NPC1L1: variants seen among roughly 807,000 people sequenced by gnomAD.
NPC1L1 encodes NPC1 like intracellular cholesterol transporter 1, also known as NPC1-like intracellular cholesterol transporter 1.
Under a neutral mutation model 117.0 loss-of-function variants are expected in NPC1L1, and 98 were observed. That is an observed-to-expected ratio of 0.84 (90% confidence interval 0.71 to 0.99). The LOEUF is 0.99. Among genes scored for constraint, NPC1L1 ranks in the 50% least tolerant of loss-of-function variants. The pLI is 0.00. For missense variants in NPC1L1, 1,540 were observed against 1,710.0 expected (o/e 0.90, Z 1.75); for synonymous variants, 729 against 727.6 (o/e 1.00, Z -0.03).
At chr7:44,532,902 G>A (rs183535633) in intron 8 of NPC1L1, among the ~76,000 whole-genome samples, 45 of 152,246 alleles carry the variant, frequency 3.0e-4, no homozygotes, top group Admixed American at 5.9e-4. Flanking sequence ...TCAGGAGTTC[G>A]AGACCAACCT....
rs749387457 is a variant in NPC1L1 at position 44,521,102 on chromosome 7, T to C, written c.2970A>G (p.Leu990=). The change falls in exon 13 of 19, where the codon CTA becomes CTG. Residue 990 remains leucine (L), a synonymous_variant. Coordinates refer to ENST00000381160, the MANE Select transcript of NPC1L1 (RefSeq NM_001101648.2). ...CCATCGTGATGCTCATGCAGTTCTT[T>C]AGGCAGTTCAGAGAGTCTGCAGAGA... ...CPSTVNSLNC[L]KNCMSITMGS... is the part of the protein sequence containing the mutation. 6 of 1,614,032 alleles carry C rather than the reference T, an allele frequency of 3.7e-6. No homozygotes were observed. The highest frequency in any genetic ancestry group is 1.3e-5 in the African/African-American group (1 of 74,916).
chr7:44,541,122 A>G lies in NPC1L1; in HGVS notation c.54+84T>C, dbSNP rs1266852955. ...CCCTGAGGCTCCCTTGCTGTCACCC[A>G]GTAACGCTCGCCTGGTACACGGCTG... On this transcript the variant is annotated intron_variant, in intron 1 of 18. Transcript: ENST00000381160. The G allele has an allele frequency of 2.8e-6, 4 of 1,441,296 alleles. No individual in the cohort carries two copies. The East Asian group carries it at 9.9e-5, about 36-fold the overall frequency. The allele number at this position is 1,441,296 out of a possible 1,614,324, so 89.3% of individuals were successfully genotyped here.
chr7:44,526,594 T>C (rs1801525162), intron 10 of NPC1L1, among the ~76,000 whole-genome samples: 1 of 145,292 alleles, frequency 6.9e-6, no homozygotes, highest in Non-Finnish European at 1.5e-5. Context: ...ATGAGGGAGA[T>C]GCCAGATGAG....
intron 1 of NPC1L1, among the ~76,000 whole-genome samples, chr7:44,540,994 C>G (rs541313959): frequency 6.6e-6 from 1 of 152,078 alleles, no homozygotes; most frequent in Non-Finnish European, 1.5e-5. Context: ...CTCTTTCACC[C>G]CTGTGTGCAT....
In NPC1L1 at chr7:44,529,440, G is replaced by A. The variant is rs191764410; in HGVS notation, c.2637+2315C>T. Among the ~76,000 whole-genome samples, 98 of 150,972 alleles carry A rather than the reference G, an allele frequency of 6.5e-4. 1 individual carries two copies. Among genetic ancestry groups the A allele is most frequent in the Admixed American group, 2.6e-3 (40 of 15,148 alleles). ...GTTACCCAGGCTGGAGTGCAATGGC[G>A]TGATCTCAGTTTACCACAACCTCTG... On this transcript the variant is annotated intron_variant, in intron 10 of 18. Coordinates refer to ENST00000381160, the MANE Select transcript of NPC1L1 (RefSeq NM_001101648.2).
At chr7:44,513,774 T>C in intron 18 of NPC1L1, 125 bp from the exon 19 acceptor site, 2 of 1,030,140 alleles carry the variant, frequency 1.9e-6, no homozygotes, top group Admixed American at 4.0e-5. Context: ...GCCATGTGCC[T>C]TCCAGGGTCA....
At position 44,534,820 on chromosome 7, in the gene NPC1L1, G is replaced by C. The variant is rs1801822263; in HGVS notation, c.1984-191C>G. 6.6e-6 allele frequency among the ~76,000 whole-genome samples: 1 copy of C among 152,198 alleles called. No individual in the cohort carries two copies. Among genetic ancestry groups the C allele is most frequent in the Non-Finnish European group, 1.5e-5 (1 of 68,022 alleles). On this transcript the variant is annotated intron_variant, in intron 5 of 18. Transcript: ENST00000381160. The surrounding 1 kb of genome is among the most constrained non-coding windows in gnomAD (Gnocchi z 5.2). ...TGCAGAGCCATCCTCCCAAGGGGAG[G>C]TCCAGGAAACCCAAAGGCATGGGTG...
rs569171408 is a variant in NPC1L1 at position 44,534,025 on chromosome 7, G to T, written c.2167-172C>A. 4.6e-5 allele frequency among the ~76,000 whole-genome samples: 7 copies of T among 152,348 alleles called. No individual in the cohort carries two copies. The highest frequency in any genetic ancestry group is 1.7e-4 in the African/African-American group (7 of 41,570). Reference sequence around the variant, plus strand: ...CTCCATGGCCAATATTCTTCTTCCAGGGTCTGGCTGGGAGAAATGGTTGGT... The same window carrying T: ...CTCCATGGCCAATATTCTTCTTCCATGGTCTGGCTGGGAGAAATGGTTGGT... On this transcript the variant is annotated intron_variant, in intron 6 of 18. Coordinates refer to ENST00000381160, the MANE Select transcript of NPC1L1 (RefSeq NM_001101648.2). The surrounding 1 kb of genome is among the most constrained non-coding windows in gnomAD (Gnocchi z 5.2).
chr7:44,523,548 G>T (rs1471723132), intron 10 of NPC1L1, among the ~76,000 whole-genome samples: 1 of 152,184 alleles, frequency 6.6e-6, no homozygotes, highest in Non-Finnish European at 1.5e-5. Flanking sequence ...CAGCTTGCAG[G>T]AGCCAGGTAG....
At chr7:44,521,391 C>T (rs1057035323) in intron 12 of NPC1L1, among the ~76,000 whole-genome samples, 1 of 152,222 alleles carries the variant, frequency 6.6e-6, no homozygotes, top group Non-Finnish European at 1.5e-5. Context: ...CTGCTTTGGG[C>T]GGCAGGGCCA....
chr7:44,539,223 T>A lies in NPC1L1; in HGVS notation c.1174A>T (p.Ser392Cys). Residue 392 changes from serine (S) to cysteine (C), a missense_variant, in exon 2 of 19, where the codon AGT becomes TGT. Physicochemically the swap from Ser to Cys is moderately radical, Grantham distance 112 (BLOSUM62 -1). Transcript: ENST00000381160. The surrounding 1 kb of genome is among the most constrained non-coding windows in gnomAD (Gnocchi z 4.4). Reference protein sequence around the residue: ...LWSAPNSQARSEKAFHDQHFG... With the variant: ...LWSAPNSQARCEKAFHDQHFG... ...TGCTGGTCATGGAAAGCTTTCTCAC[T>A]CCGGGCTTGGCTGTTGGGGGCCGAC... 1.2e-6 allele frequency: 2 copies of A among 1,614,064 alleles called. No individual in the cohort carries two copies. The highest frequency in any genetic ancestry group is 2.2e-5 in the South Asian group (2 of 91,078).
At chr7:44,520,142 T>G (rs1285973860) in intron 14 of NPC1L1, among the ~76,000 whole-genome samples, 1 of 151,980 alleles carries the variant, frequency 6.6e-6, no homozygotes, top group Non-Finnish European at 1.5e-5. Context: ...TACCCAGACA[T>G]GATGGTATGC....
intron 18 of NPC1L1, among the ~76,000 whole-genome samples, chr7:44,514,461 GGAGTTC>G (rs1801125289): frequency 6.6e-6 from 1 of 152,072 alleles, no homozygotes; most frequent in Non-Finnish European, 1.5e-5. Flanking sequence ...TGAGGCCACA[GGAGTTC>G]GAGACCAGCC....
chr7:44,536,855 A>G lies in NPC1L1; in HGVS notation c.1668T>C (p.Ile556=). 6.2e-7 allele frequency: 1 copy of G among 1,613,414 alleles called. No individual in the cohort carries two copies. The highest frequency in any genetic ancestry group is 8.5e-7 in the Non-Finnish European group (1 of 1,179,514). The change falls in exon 3 of 19, where the codon ATT becomes ATC. Residue 556 remains isoleucine, a synonymous_variant. Transcript: ENST00000381160. The surrounding 1 kb of genome is among the most constrained non-coding windows in gnomAD (Gnocchi z 4.7). ...CACTTAGCTTACCTTTGTACCCCCCAATGGCAAGGAAGGGGAAGACAGGGG... is the reference window on the plus strand; with the variant it reads ...CACTTAGCTTACCTTTGTACCCCCCGATGGCAAGGAAGGGGAAGACAGGGG... ...YGAPVFPFLA[I]GGYKGKDYSE... is the part of the protein sequence containing the mutation.
chr7:44,516,215 G>T lies in NPC1L1; in HGVS notation c.3520-18C>A, dbSNP rs370545590. On this transcript the variant is annotated intron_variant, in intron 16 of 18. Transcript: ENST00000381160. ...CCCACCGCCTATGGGCAGAGAGGGG[G>T]CATAAGCCAAGAAAGGCAGAGGTGG... The T allele has an allele frequency of 4.4e-6, 7 of 1,582,102 alleles. No individual in the cohort carries two copies. Among genetic ancestry groups the T allele is most frequent in the Non-Finnish European group, 6.0e-6 (7 of 1,162,308 alleles).
Position 44,535,867 on chromosome 7 carries a change from G to A in NPC1L1, c.1956C>T (p.Gly652=). 6.2e-7 allele frequency: 1 copy of A among 1,613,358 alleles called. No individual in the cohort carries two copies. Among genetic ancestry groups the A allele is most frequent in the Non-Finnish European group, 8.5e-7 (1 of 1,180,014 alleles). The stretch of plus-strand genomic sequence containing the variant: ...TCACTCGGCTCCAGCTGGAATAGCT[G>A]CCCAGGGCCAGAGAGATGTACAGGA... ...VIFLYISLAL[G]SYSSWSRVMV... Residue 652 remains glycine, a synonymous_variant, in exon 5 of 19, where the codon GGC becomes GGT. Transcript: ENST00000381160.
intron 5 of NPC1L1, among the ~76,000 whole-genome samples, 157 bp downstream of exon 5, chr7:44,535,683 A>G (rs1801859706): frequency 6.6e-6 from 1 of 152,274 alleles, no homozygotes; most frequent in East Asian, 1.9e-4. Flanking sequence ...CTTTCAGCAC[A>G]GAACACTTGC....
At chr7:44,518,559 C>A in intron 14 of NPC1L1, 1 of 355,426 alleles carries the variant, frequency 2.8e-6, no homozygotes, top group Non-Finnish European at 5.5e-6. Flanking sequence ...ATCCCAGCTA[C>A]TAGGGAGGCT....
At chr7:44,537,173 C>T (rs368315450) in intron 2 of NPC1L1, among the ~76,000 whole-genome samples, 32 of 152,308 alleles carry the variant, frequency 2.1e-4, no homozygotes, top group Middle Eastern at 3.4e-3. Flanking sequence ...TCCTGCAGGC[C>T]CCCACCCACG....
Sources: allele counts gnomAD v4.1 joint callset (sites outside exome capture counted in the v4.1 genomes callset), GRCh38; gene constraint gnomAD v4.1.1; non-coding constraint Gnocchi (gnomAD v3.1); transcripts MANE v1.5; gene names NCBI Gene and HGNC (gene_info 2026-07-23, HGNC 2026-07-21).